LRP8: variants seen among roughly 807,000 people sequenced by gnomAD.
LRP8 encodes low-density lipoprotein receptor-related protein 8.
In LRP8, 46 loss-of-function variants were observed where a neutral mutation model predicts 111.6. The observed-to-expected ratio is 0.41, with a 90% CI of 0.33 to 0.53. The LOEUF (loss-of-function observed/expected upper bound fraction) is 0.53, where lower values mean the gene tolerates loss of function less well. Among genes scored for constraint, LRP8 ranks in the 20% least tolerant of loss-of-function variants. The pLI is 0.20. For missense variants in LRP8, 959 were observed against 1,297.4 expected, an observed-to-expected ratio of 0.74 and a Z score of 4.01; for synonymous variants, 464 against 511.2, an observed-to-expected ratio of 0.91 and a Z score of 1.24.
At chr1:53,324,826 C>T (rs1490570227) in intron 2 of LRP8, among the ~76,000 whole-genome samples, 4 of 152,168 alleles carry the variant, frequency 2.6e-5, no homozygotes, top group Non-Finnish European at 5.9e-5. Context: ...ACTCCTGGTG[C>T]TTTCCGCACC....
At chr1:53,252,076 A>G (rs897914725) in intron 16 of LRP8, among the ~76,000 whole-genome samples, 3 of 151,612 alleles carry the variant, frequency 2.0e-5, no homozygotes, top group Non-Finnish European at 4.4e-5. Context: ...AAATAAATAC[A>G]TATGAGAAAG....
rs528801146 is a variant in LRP8 at position 53,328,016 on chromosome 1, C to CCCG, written c.-107_-105dup. On this transcript the variant is annotated 5_prime_UTR_variant, in exon 1 of 19. Transcript: ENST00000306052. ...CCGCGGCGCCGGGGTTGCCGCTGCC[C>CCCG]CCGCCGCCGCCGCCGCCGCCGCTGC... 1,652 of 611,226 alleles carry CCCG rather than the reference C, an allele frequency of 2.7e-3. 3 individuals carry two copies. Among genetic ancestry groups the CCCG allele is most frequent in the Admixed American group, 4.8e-3 (73 of 15,350 alleles). 37.9% of individuals were successfully genotyped at this position (611,226 alleles called of 1,614,324 possible).
chr1:53,318,410 G>A (rs560536639), intron 2 of LRP8, among the ~76,000 whole-genome samples: 64 of 152,150 alleles, frequency 4.2e-4, no homozygotes, highest in Non-Finnish European at 8.2e-4. Flanking sequence ...TGCCTGCCTC[G>A]CTGGAAAGGA....
rs1368526020 is a variant in LRP8 at position 53,293,441 on chromosome 1, C to T, written c.245-3752G>A. Among the ~76,000 whole-genome samples the T allele has an allele frequency of 6.6e-6, 1 of 152,240 alleles. No individual in the cohort carries two copies. ...CTTTCACCCAATATCCCAGTGACTC[C>T]TCACAGCTATCTTGGTAGCTGTTGT... On this transcript the variant is annotated intron_variant, in intron 2 of 18. Coordinates refer to ENST00000306052, the MANE Select transcript of LRP8 (RefSeq NM_004631.5). The surrounding 1 kb of genome is among the most constrained non-coding windows in gnomAD (Gnocchi z 4.9).
chr1:53,258,598 T>C, intron 13 of LRP8, 127 bp from the exon 14 acceptor site: 2 of 817,264 alleles, frequency 2.4e-6, no homozygotes, highest in Non-Finnish European at 3.7e-6. Flanking sequence ...TTTTCACATT[T>C]TTTTTCTTTT....
At chr1:53,314,653 C>T (rs897465469) in intron 2 of LRP8, among the ~76,000 whole-genome samples, 2 of 152,122 alleles carry the variant, frequency 1.3e-5, no homozygotes, top group Admixed American at 6.5e-5. Context: ...AGTCCAGGGG[C>T]GGGGAGCTGC....
At chr1:53,302,354 C>T (rs569851398) in intron 2 of LRP8, among the ~76,000 whole-genome samples, 47 of 152,128 alleles carry the variant, frequency 3.1e-4, no homozygotes, top group Non-Finnish European at 6.3e-4. Context: ...CCACAACCCC[C>T]ACCCAACAAG....
intron 2 of LRP8, among the ~76,000 whole-genome samples, chr1:53,321,477 G>A (rs1316014277): frequency 6.6e-6 from 1 of 152,176 alleles, no homozygotes; most frequent in East Asian, 1.9e-4. Flanking sequence ...ACCTGGTGCT[G>A]GGAGAGCATG....
intron 2 of LRP8, 37 bp downstream of exon 2, chr1:53,326,836 C>G (rs1394785649): frequency 6.3e-7 from 1 of 1,597,996 alleles, no homozygotes; most frequent in African/African-American, 1.3e-5. Flanking sequence ...CGTTCCTTTT[C>G]TCTCCCCGGG....
intron 2 of LRP8, 22 bp from the exon 3 acceptor site, chr1:53,289,711 G>A (rs556113960): frequency 9.3e-6 from 15 of 1,612,954 alleles, no homozygotes; most frequent in Middle Eastern, 1.7e-4. Context: ...GGAAGAGAGC[G>A]TGGTGAGCCT....
At position 53,249,699 on chromosome 1, in the gene LRP8, G is replaced by T; in HGVS notation, c.2677-143C>A. The T allele has an allele frequency of 8.4e-7, 1 of 1,183,812 alleles. No homozygotes were observed. Among genetic ancestry groups the T allele is most frequent in the Non-Finnish European group, 1.1e-6 (1 of 889,680 alleles). The allele number at this position is 1,183,812 out of a possible 1,614,324, so 73.3% of individuals were successfully genotyped here. ...TGCTGTGTTGTACCTTCAAGCCTTTGCACATGCCTCTATCTGGAATGCCAT... is the reference window on the plus strand; with the variant it reads ...TGCTGTGTTGTACCTTCAAGCCTTTTCACATGCCTCTATCTGGAATGCCAT... On this transcript the variant is annotated intron_variant, in intron 17 of 18. Transcript: ENST00000306052. This position sits in a 1 kb window ranked among gnomAD's most constrained non-coding sequence, Gnocchi z 4.1.
intron 2 of LRP8, among the ~76,000 whole-genome samples, chr1:53,324,647 A>G (rs1441768206): frequency 2.0e-5 from 3 of 152,184 alleles, no homozygotes; most frequent in Non-Finnish European, 4.4e-5. Context: ...TACCCCATGC[A>G]TCTCAGAGCC....
intron 4 of LRP8, among the ~76,000 whole-genome samples, chr1:53,277,997 G>C (rs1210066834): frequency 6.6e-6 from 1 of 152,180 alleles, no homozygotes; most frequent in Non-Finnish European, 1.5e-5. Context: ...CACACGTCAT[G>C]GCTCTGCTTG....
intron 18 of LRP8, 66 bp from the exon 19 acceptor site, chr1:53,247,122 A>C: frequency 1.5e-6 from 2 of 1,299,100 alleles, no homozygotes; most frequent in Non-Finnish European, 2.2e-6. Context: ...TAGTATTGAC[A>C]AATCACAGAC....
rs763653455 is a variant in LRP8 at position 53,309,075 on chromosome 1, G to C, written c.244+17798C>G. 3.9e-4 allele frequency among the ~76,000 whole-genome samples: 59 copies of C among 152,178 alleles called. 1 individual carries two copies. Among genetic ancestry groups the C allele is most frequent in the Non-Finnish European group, 8.8e-5 (6 of 68,028 alleles). On this transcript the variant is annotated intron_variant, in intron 2 of 18. Transcript: ENST00000306052. ...AGATCACCTGAGGTCAGGAGTTCGAGACCAGTCTGGCCAACATGATGAAAC... is the reference window on the plus strand; with the variant it reads ...AGATCACCTGAGGTCAGGAGTTCGACACCAGTCTGGCCAACATGATGAAAC...
intron 8 of LRP8, among the ~76,000 whole-genome samples, chr1:53,269,367 G>A (rs1291889258): frequency 1.3e-5 from 2 of 151,918 alleles, no homozygotes; most frequent in African/African-American, 4.8e-5. Flanking sequence ...CCAGGCTGGA[G>A]TGCAGTGGCA....
chr1:53,246,713 C>G lies in LRP8; in HGVS notation c.*305G>C. On this transcript the variant is annotated 3_prime_UTR_variant, in exon 19 of 19. Coordinates refer to ENST00000306052, the MANE Select transcript of LRP8 (RefSeq NM_004631.5). ...TGAGTAAGGTACTGTGCCATTGGCC[C>G]CCATTTGGTTATGTGCATCATGTTA... 2.7e-6 allele frequency: 1 copy of G among 367,140 alleles called. No homozygotes were observed. Among genetic ancestry groups the G allele is most frequent in the Admixed American group, 5.1e-5 (1 of 19,454 alleles). The allele number at this position is 367,140 out of a possible 1,614,324, so 22.7% of individuals were successfully genotyped here.
In LRP8 at chr1:53,303,536, G is replaced by A. The variant is rs890921909; in HGVS notation, c.245-13847C>T. Among the ~76,000 whole-genome samples, 3 of 152,324 alleles carry A rather than the reference G, an allele frequency of 2.0e-5. No individual in the cohort carries two copies. The highest frequency in any genetic ancestry group is 3.9e-4 in the East Asian group (2 of 5,184). Reference sequence around the variant, plus strand: ...CTGGAGGAATCATAAGATAGTCTTCGAATCACAGAACAGAATCTCCCTGTC... The same window carrying A: ...CTGGAGGAATCATAAGATAGTCTTCAAATCACAGAACAGAATCTCCCTGTC... On this transcript the variant is annotated intron_variant, in intron 2 of 18. Transcript: ENST00000306052. The surrounding 1 kb of genome is among the most constrained non-coding windows in gnomAD (Gnocchi z 4.3).
At chr1:53,288,961 C>G (rs969982132) in intron 3 of LRP8, among the ~76,000 whole-genome samples, 3 of 152,100 alleles carry the variant, frequency 2.0e-5, no homozygotes, top group Non-Finnish European at 2.9e-5. Flanking sequence ...CTCTACCTCC[C>G]CCTGCCTGCC....
Sources: gnomAD v4.1 joint callset for allele counts (sites outside exome capture counted in the v4.1 genomes callset) on GRCh38, gnomAD v4.1.1 for gene constraint, Gnocchi (gnomAD v3.1) non-coding constraint, MANE v1.5 for transcripts, NCBI Gene and HGNC (gene_info 2026-07-23, HGNC 2026-07-21) for gene names.